Variants in MPST observed in about 807,000 individuals in gnomAD.
The protein encoded by MPST is mercaptopyruvate sulfurtransferase, also known as 3-mercaptopyruvate sulfurtransferase.
In MPST, 27 loss-of-function variants were observed where a neutral mutation model predicts 28.5. That is an observed-to-expected ratio of 0.95 (90% confidence interval 0.70 to 1.31). MPST has a LOEUF of 1.31. Ranked by LOEUF, MPST falls within the 50% of genes most tolerant of loss-of-function variation. MPST has a pLI of 0.00. For missense variants in MPST, 492 were observed against 471.1 expected, an observed-to-expected ratio of 1.04 and a Z score of -0.41; for synonymous variants, 204 against 209.3, an observed-to-expected ratio of 0.97 and a Z score of 0.22.
intron 2 of MPST, 105 bp from the exon 3 acceptor site, chr22:37,029,111 A>G: frequency 9.5e-7 from 1 of 1,054,618 alleles, no homozygotes; most frequent in Non-Finnish European, 1.4e-6. Flanking sequence ...AGGATTTAGC[A>G]CCATGCTTGC....
intron 1 of MPST, chr22:37,023,904 C>A: frequency 6.6e-7 from 1 of 1,508,692 alleles, no homozygotes; most frequent in East Asian, 2.8e-5. Flanking sequence ...TACCTCCACC[C>A]ACCCTCCTGC....
chr22:37,024,233 C>T lies in MPST; in HGVS notation c.78C>T (p.Leu26=), dbSNP rs908773576. 24 of 1,402,534 alleles carry T rather than the reference C, an allele frequency of 1.7e-5. No individual in the cohort carries two copies. The highest frequency in any genetic ancestry group is 1.0e-4 in the Admixed American group (3 of 28,952). The allele number at this position is 1,402,534 out of a possible 1,614,324, so 86.9% of individuals were successfully genotyped here. Reference sequence around the variant, plus strand: ...TCGCCGCCATGGCTTCGCCGCAGCTCTGCCGCGCGCTGGTGTCGGCGCAAT... The same window carrying T: ...TCGCCGCCATGGCTTCGCCGCAGCTTTGCCGCGCGCTGGTGTCGGCGCAAT... The part of the protein sequence containing the change: ...PSVAAMASPQ[L]CRALVSAQWV... The change falls in exon 2 of 3, where the codon CTC becomes CTT. Residue 26 remains leucine, a synonymous_variant. Transcript: ENST00000429360.
chr22:37,021,598 G>A (rs1176913205), intron 1 of MPST, among the ~76,000 whole-genome samples: 4 of 151,890 alleles, frequency 2.6e-5, no homozygotes, highest in South Asian at 2.1e-4. Context: ...TCAGCCTCCC[G>A]GGTAGCTGGG....
rs1923772904 is a variant in MPST, at chr22:37,029,656, A to G, written c.*142A>G. 15 of 893,476 alleles carry G rather than the reference A, an allele frequency of 1.7e-5. No individual in the cohort carries two copies. Among genetic ancestry groups the G allele is most frequent in the Non-Finnish European group, 2.5e-5 (15 of 599,638 alleles). 55.3% of individuals were successfully genotyped at this position (893,476 alleles called of 1,614,324 possible). On this transcript the variant is annotated 3_prime_UTR_variant, in exon 3 of 3. Transcript: ENST00000429360. ...TGGGGTGACATCTCAAAGGCCAGGA[A>G]TTCCGTTGACTTGTTGGCTGCCAGT...
In MPST at chr22:37,024,452, C is replaced by T. The variant is rs756117717; in HGVS notation, c.297C>T (p.Ala99=). The part of the protein sequence containing the change: ...TSPYDHMLPG[A]EHFAEYAGRL... ...CCTACGACCACATGCTGCCCGGGGC[C>T]GAGCATTTCGCGGAGTACGCAGGCC... Residue 99 remains alanine, a synonymous_variant, in exon 2 of 3, where the codon GCC becomes GCT. Coordinates refer to ENST00000429360, the MANE Select transcript of MPST (RefSeq NM_021126.8). 6.5e-5 allele frequency: 101 copies of T among 1,549,550 alleles called. 1 individual carries two copies. In the South Asian group the frequency reaches 1.1e-3, roughly 17 times the overall value.
At chr22:37,024,988 CCTT>C (rs1488760043) in intron 2 of MPST, 178 bp downstream of exon 2, 1 of 1,489,750 alleles carries the variant, frequency 6.7e-7, no homozygotes, top group East Asian at 2.5e-5. Context: ...CCTACCCTTG[CCTT>C]CTTTTCACAG....
chr22:37,020,589 A>G (rs1419939773), intron 1 of MPST, among the ~76,000 whole-genome samples: 1 of 152,200 alleles, frequency 6.6e-6, no homozygotes, highest in African/African-American at 2.4e-5. Flanking sequence ...ACTGGGGGAC[A>G]CCATTGCCCC....
chr22:37,027,403 T>C (rs1331855683), intron 2 of MPST: 1 of 152,116 alleles, frequency 6.6e-6, no homozygotes, highest in African/African-American at 2.4e-5. Context: ...TCCCATTCTT[T>C]CTGCTACAAT....
intron 2 of MPST, 128 bp from the exon 3 acceptor site, chr22:37,029,088 A>C: frequency 1.2e-6 from 1 of 841,410 alleles, no homozygotes; most frequent in Non-Finnish European, 1.8e-6. Flanking sequence ...ATTAAATGAG[A>C]TGGTGGATAT....
chr22:37,022,185 A>G (rs1923126150), intron 1 of MPST, among the ~76,000 whole-genome samples: 1 of 152,052 alleles, frequency 6.6e-6, no homozygotes, highest in Non-Finnish European at 1.5e-5. Context: ...CCCCTTAGCC[A>G]AACACCCCTT....
Position 37,024,279 on chromosome 22 carries a change from G to C in MPST, c.124G>C (p.Ala42Pro), listed in dbSNP as rs527965729. ...SAQWVAEALR[A>P]PRAGQPLQLL... ...GCAATGGGTGGCGGAGGCGCTGCGG[G>C]CCCCGCGCGCTGGGCAGCCTCTGCA... is the stretch of plus-strand genomic sequence containing the variant. The change falls in exon 2 of 3, where the codon GCC becomes CCC. Residue 42 changes from alanine to proline, a missense_variant. Coordinates refer to ENST00000429360, the MANE Select transcript of MPST (RefSeq NM_021126.8). 1 of 1,495,298 alleles carries C rather than the reference G, an allele frequency of 6.7e-7. No individual in the cohort carries two copies. The highest frequency in any genetic ancestry group is 2.3e-5 in the Admixed American group (1 of 43,148). 92.6% of individuals were successfully genotyped at this position (1,495,298 alleles called of 1,614,324 possible).
At chr22:37,028,898 G>A (rs1923701857) in intron 2 of MPST, 1 of 298,290 alleles carries the variant, frequency 3.4e-6, no homozygotes, top group South Asian at 4.8e-5. Context: ...CAGGGGTCTT[G>A]TTTATTGCTT....
intron 1 of MPST, chr22:37,023,887 C>T (rs757131972): frequency 6.7e-7 from 1 of 1,489,508 alleles, no homozygotes; most frequent in South Asian, 1.2e-5. Context: ...AGGGCCTTGC[C>T]CTAGGATACC....
chr22:37,020,230 C>A (rs1922970047), intron 1 of MPST: 1 of 221,062 alleles, frequency 4.5e-6, no homozygotes, highest in Non-Finnish European at 8.9e-6. Flanking sequence ...CATTGTCCAG[C>A]CCTGCTTGGT....
rs1923408268 is a variant in MPST at position 37,024,909 on chromosome 22, C to T, written c.655+99C>T. On this transcript the variant is annotated intron_variant, in intron 2 of 2. Coordinates refer to ENST00000429360, the MANE Select transcript of MPST (RefSeq NM_021126.8). The stretch of plus-strand genomic sequence containing the variant: ...CCTTTCTTTTATTTTTTTAATTTAT[C>T]TTGCTTTCATTTCCTTTCCTTTTTT... The T allele has an allele frequency of 1.9e-6, 3 of 1,546,626 alleles. No homozygotes were observed. In the South Asian group the frequency reaches 3.6e-5, roughly 18 times the overall value.
chr22:37,023,641 C>T (rs953295507), intron 1 of MPST: 2 of 393,544 alleles, frequency 5.1e-6, no homozygotes, highest in Admixed American at 6.2e-5. Flanking sequence ...TAAGATCACT[C>T]ATTCAACACA....
At chr22:37,027,661 C>G (rs996102625) in intron 2 of MPST, 2 of 152,330 alleles carry the variant, frequency 1.3e-5, no homozygotes, top group Non-Finnish European at 2.9e-5. Flanking sequence ...CCTGCTAAGG[C>G]GTTCCCATCC....
chr22:37,021,819 G>A (rs1349027929), intron 1 of MPST, among the ~76,000 whole-genome samples: 2 of 152,120 alleles, frequency 1.3e-5, no homozygotes, highest in Non-Finnish European at 2.9e-5. Flanking sequence ...AATGCATGGT[G>A]GTTGCCCCTC....
At chr22:37,024,900 T>G in intron 2 of MPST, 90 bp downstream of exon 2, 1 of 1,548,876 alleles carries the variant, frequency 6.5e-7, no homozygotes, top group Non-Finnish European at 8.7e-7. Flanking sequence ...TTTTATTTTT[T>G]TAATTTATCT....
Sources: allele counts gnomAD v4.1 joint callset (sites outside exome capture counted in the v4.1 genomes callset), GRCh38; gene constraint gnomAD v4.1.1; transcripts MANE v1.5; gene names NCBI Gene and HGNC (gene_info 2026-07-23, HGNC 2026-07-21).